SLCO3A1: variants seen among roughly 807,000 people sequenced by gnomAD.
The protein encoded by SLCO3A1 is PGE1 transporter.
SLCO3A1 carries 27 observed loss-of-function variants against 63.1 expected under a neutral mutation model. The observed-to-expected ratio is 0.43, with a 90% confidence interval of 0.32 to 0.59. SLCO3A1 has a LOEUF of 0.59. SLCO3A1 is among the 20% of genes least tolerant of loss of function. SLCO3A1 has a pLI of 0.09. For missense variants in SLCO3A1, 773 were observed against 945.8 expected (o/e 0.82, Z 2.40); for synonymous variants, 473 against 409.9 (o/e 1.15, Z -1.86).
intron 1 of SLCO3A1, among the ~76,000 whole-genome samples, chr15:91,890,212 C>T (rs1019248467): frequency 7.2e-5 from 11 of 152,290 alleles, no homozygotes; most frequent in East Asian, 3.9e-4. Flanking sequence ...AGTTAATACA[C>T]GTATACCCAC....
At chr15:91,871,125 T>C (rs1189336027) in intron 1 of SLCO3A1, among the ~76,000 whole-genome samples, 1 of 152,224 alleles carries the variant, frequency 6.6e-6, no homozygotes, top group East Asian at 1.9e-4. Flanking sequence ...AGGCTATATC[T>C]TTCTTTGATT....
intron 7 of SLCO3A1, among the ~76,000 whole-genome samples, chr15:92,141,037 T>C (rs1337275356): frequency 1.3e-5 from 2 of 152,214 alleles, no homozygotes; most frequent in African/African-American, 4.8e-5. Context: ...CTGTTCCCCC[T>C]GTCCTCCGGG....
At chr15:92,062,882 G>T (rs1318335728) in intron 2 of SLCO3A1, among the ~76,000 whole-genome samples, 2 of 152,170 alleles carry the variant, frequency 1.3e-5, no homozygotes, top group African/African-American at 4.8e-5. Context: ...CTGAATCAGG[G>T]CCTGCCCGCC....
At chr15:92,128,906 T>G (rs2047959359) in intron 7 of SLCO3A1, among the ~76,000 whole-genome samples, 1 of 152,206 alleles carries the variant, frequency 6.6e-6, no homozygotes, top group Non-Finnish European at 1.5e-5. Flanking sequence ...TTCAGCTTCT[T>G]TCCTACCCAG....
intron 1 of SLCO3A1, among the ~76,000 whole-genome samples, chr15:91,914,052 A>C (rs1312341858): frequency 6.6e-6 from 1 of 152,114 alleles, no homozygotes; most frequent in Non-Finnish European, 1.5e-5. Context: ...TGATAATGAT[A>C]ATGGTTATAG....
chr15:92,119,147 G>T (rs909450967), intron 4 of SLCO3A1, among the ~76,000 whole-genome samples: 1 of 152,114 alleles, frequency 6.6e-6, no homozygotes, highest in African/African-American at 2.4e-5. Context: ...GCCAGGATAC[G>T]TCATACCATA....
intron 9 of SLCO3A1, chr15:92,151,278 G>A (rs2048302290): frequency 3.0e-6 from 1 of 334,404 alleles, no homozygotes; most frequent in Non-Finnish European, 5.4e-6. Context: ...AAAAGAGATG[G>A]CACCAAAGGG....
intron 5 of SLCO3A1, among the ~76,000 whole-genome samples, chr15:92,123,649 A>G (rs943193619): frequency 1.3e-5 from 2 of 152,104 alleles, no homozygotes; most frequent in African/African-American, 4.8e-5. Flanking sequence ...ACCTCTTTAT[A>G]ATTAAAGTTG....
downstream of SLCO3A1, among the ~76,000 whole-genome samples, chr15:92,167,287 C>CA (rs1383674508): frequency 6.6e-6 from 1 of 152,178 alleles, no homozygotes; most frequent in Non-Finnish European, 1.5e-5. Context: ...GGGCTCACGC[C>CA]ATTCTCCTCT....
rs1281433175 is a variant in SLCO3A1 at position 91,967,603 on chromosome 15, A to T, written c.646+51145A>T. The stretch of plus-strand genomic sequence containing the variant: ...TATGGATAAGACACCTATTACACAG[A>T]TAATCCCATATGAAATAAATTAAAC... On this transcript the variant is annotated intron_variant, in intron 2 of 9. Coordinates refer to ENST00000318445, the MANE Select transcript of SLCO3A1 (RefSeq NM_013272.4). The surrounding 1 kb of genome is among the most constrained non-coding windows in gnomAD (Gnocchi z 4.4). 6.6e-6 allele frequency among the ~76,000 whole-genome samples: 1 copy of T among 152,264 alleles called. No homozygotes were observed. Among genetic ancestry groups the T allele is most frequent in the East Asian group, 1.9e-4 (1 of 5,200 alleles).
At chr15:92,059,069 AC>A (rs1219242703) in intron 2 of SLCO3A1, among the ~76,000 whole-genome samples, 2 of 152,030 alleles carry the variant, frequency 1.3e-5, no homozygotes, top group Non-Finnish European at 2.9e-5. Context: ...GCACTATCCA[AC>A]CCACTCTGTC....
intron 1 of SLCO3A1, among the ~76,000 whole-genome samples, chr15:91,914,165 G>A (rs977142344): frequency 1.3e-5 from 2 of 152,186 alleles, no homozygotes; most frequent in Non-Finnish European, 2.9e-5. Context: ...AAACTAACGC[G>A]CAAAGTAACT....
chr15:92,002,021 T>C lies in SLCO3A1; in HGVS notation c.646+85563T>C, dbSNP rs920095867. Reference sequence around the variant, plus strand: ...TCATTAGAGCCTCCTCTTTTCATATTGCTCTTCTAAGATCACTACATACGG... The same window carrying C: ...TCATTAGAGCCTCCTCTTTTCATATCGCTCTTCTAAGATCACTACATACGG... On this transcript the variant is annotated intron_variant, in intron 2 of 9. Transcript: ENST00000318445. 2.6e-5 allele frequency among the ~76,000 whole-genome samples: 4 copies of C among 152,090 alleles called. No homozygotes were observed. The East Asian group carries it at 5.8e-4, about 22-fold the overall frequency.
intron 2 of SLCO3A1, among the ~76,000 whole-genome samples, chr15:91,985,967 C>T (rs1050967691): frequency 2.0e-5 from 3 of 152,120 alleles, no homozygotes; most frequent in Non-Finnish European, 4.4e-5. Flanking sequence ...GTGCCATGAC[C>T]AGGGTATGGC....
At chr15:91,889,063 C>A in intron 1 of SLCO3A1, 10 of 755,376 alleles carry the variant, frequency 1.3e-5, no homozygotes, top group East Asian at 1.1e-4. Flanking sequence ...TTATTACTAG[C>A]TAACATATAG....
In SLCO3A1 at chr15:91,950,426, G is replaced by A. The variant is rs1899960785; in HGVS notation, c.646+33968G>A. On this transcript the variant is annotated intron_variant, in intron 2 of 9. Coordinates refer to ENST00000318445, the MANE Select transcript of SLCO3A1 (RefSeq NM_013272.4). The surrounding 1 kb of genome is among the most constrained non-coding windows in gnomAD (Gnocchi z 4.4). ...TGATCCCAGGCCTTGACCAAATGGGGTCTCTAATCCCCAAGGGTCCCGGTG... is the reference window on the plus strand; with the variant it reads ...TGATCCCAGGCCTTGACCAAATGGGATCTCTAATCCCCAAGGGTCCCGGTG... Among the ~76,000 whole-genome samples the A allele has an allele frequency of 6.6e-6, 1 of 152,204 alleles. No homozygotes were observed. The highest frequency in any genetic ancestry group is 2.1e-4 in the South Asian group (1 of 4,830).
intron 2 of SLCO3A1, among the ~76,000 whole-genome samples, chr15:91,924,119 C>T (rs1387126045): frequency 1.3e-5 from 2 of 152,198 alleles, no homozygotes; most frequent in African/African-American, 2.4e-5. Flanking sequence ...TGGGTGTTGG[C>T]ATTCTTGTTT....
chr15:92,016,204 T>TATAGATAGATAGATAG lies in SLCO3A1; in HGVS notation c.647-78642_647-78627dup, dbSNP rs1039964856. On this transcript the variant is annotated intron_variant, in intron 2 of 9. Coordinates refer to ENST00000318445, the MANE Select transcript of SLCO3A1 (RefSeq NM_013272.4). ...TGCAGATTTGTTGTATATATATTTATATAGATAGATAGATAGATAGATAGA... is the reference window on the plus strand; with the variant it reads ...TGCAGATTTGTTGTATATATATTTATATAGATAGATAGATAGATAGATAGATAGATAGATAGATAGA... Among the ~76,000 whole-genome samples the TATAGATAGATAGATAG allele has an allele frequency of 7.6e-3, 919 of 120,150 alleles. 5 individuals carry two copies. The highest frequency in any genetic ancestry group is 0.011 in the Non-Finnish European group (643 of 58,590). 78.8% of individuals were successfully genotyped at this position (120,150 alleles called of 152,430 possible).
At chr15:92,141,222 G>A (rs1051947526) in intron 7 of SLCO3A1, among the ~76,000 whole-genome samples, 1 of 152,236 alleles carries the variant, frequency 6.6e-6, no homozygotes, top group African/African-American at 2.4e-5. Flanking sequence ...TCTTCCCAGA[G>A]AATGGCAAAC....
Sources: gnomAD v4.1 joint callset for allele counts (sites outside exome capture counted in the v4.1 genomes callset) on GRCh38, gnomAD v4.1.1 for gene constraint, Gnocchi (gnomAD v3.1) non-coding constraint, MANE v1.5 for transcripts, NCBI Gene and HGNC (gene_info 2026-07-23, HGNC 2026-07-21) for gene names.